NKAIN3: variants seen among roughly 807,000 people sequenced by gnomAD.
NKAIN3 encodes the protein sodium/potassium-transporting ATPase subunit beta-1-interacting protein 3.
NKAIN3 carries 25 observed loss-of-function variants against 30.2 expected under a neutral mutation model. The observed-to-expected ratio is 0.83, with a 90% CI of 0.60 to 1.16. The LOEUF is 1.16. Ranked by LOEUF, NKAIN3 falls within the 50% of genes most tolerant of loss-of-function variation. NKAIN3 has a pLI of 0.00. For missense variants in NKAIN3, 225 were observed against 254.1 expected (o/e 0.89, Z 0.78); for synonymous variants, 91 against 89.6 (o/e 1.02, Z -0.09).
chr8:62,272,946 C>T (rs544546547), intron 1 of NKAIN3, among the ~76,000 whole-genome samples: 17 of 152,158 alleles, frequency 1.1e-4, no homozygotes, highest in Non-Finnish European at 2.5e-4. Context: ...GATTAGCAAG[C>T]TTTCTTGGTT....
chr8:62,572,975 A>G (rs1312660871), intron 1 of NKAIN3, among the ~76,000 whole-genome samples: 1 of 152,164 alleles, frequency 6.6e-6, no homozygotes, highest in Non-Finnish European at 1.5e-5. Flanking sequence ...AAGCAGGGAC[A>G]TTTCTTGCGT....
At chr8:62,878,175 T>TAA (rs1402186655) in intron 4 of NKAIN3, among the ~76,000 whole-genome samples, 1 of 152,168 alleles carries the variant, frequency 6.6e-6, no homozygotes, top group Non-Finnish European at 1.5e-5. Context: ...CTAAGAGGAA[T>TAA]TTTTAGTAAG....
intron 1 of NKAIN3, among the ~76,000 whole-genome samples, chr8:62,266,016 G>C (rs182127246): frequency 1.3e-5 from 2 of 152,178 alleles, no homozygotes; most frequent in Non-Finnish European, 2.9e-5. Context: ...TGCTTTAAAG[G>C]GAATTTGGTC....
chr8:62,954,654 A>G (rs774052322), intron 6 of NKAIN3, among the ~76,000 whole-genome samples: 15 of 152,168 alleles, frequency 9.9e-5, no homozygotes, highest in Non-Finnish European at 2.2e-4. Context: ...AGATAGGGTG[A>G]CTCCATTCCT....
At position 62,248,978 on chromosome 8, in the gene NKAIN3, G is replaced by T. The variant is rs1218346575; in HGVS notation, c.-96G>T. The T allele has an allele frequency of 2.5e-6, 3 of 1,191,492 alleles. No homozygotes were observed. The highest frequency in any genetic ancestry group is 3.5e-6 in the Non-Finnish European group (3 of 851,562). 73.8% of individuals were successfully genotyped at this position (1,191,492 alleles called of 1,614,324 possible). A position where few individuals can be genotyped will look rare whatever the true frequency, so the allele number is the denominator to read the frequency against. ...GCGGCCGCGGGGCCGAGGAGCCTGG[G>T]CCGGGCCGGGCGGGGACTACTCCGG... On this transcript the variant is annotated 5_prime_UTR_variant, in exon 1 of 7. Transcript: ENST00000623646.
intron 1 of NKAIN3, among the ~76,000 whole-genome samples, chr8:62,502,534 C>CTCTTT: frequency 1.0e-5 from 1 of 99,610 alleles, no homozygotes; most frequent in Non-Finnish European, 2.3e-5. Context: ...CTTCTCCTTC[C>CTCTTT]TCCTTTCCTT....
chr8:62,465,919 A>G (rs907122029), intron 1 of NKAIN3, among the ~76,000 whole-genome samples: 1 of 152,130 alleles, frequency 6.6e-6, no homozygotes, highest in African/African-American at 2.4e-5. Flanking sequence ...GCTACTTGGG[A>G]GGCTAAGGCA....
chr8:62,845,218 C>T (rs972889299), intron 4 of NKAIN3, among the ~76,000 whole-genome samples: 12 of 144,638 alleles, frequency 8.3e-5, no homozygotes, highest in South Asian at 2.2e-4. Flanking sequence ...CTTGCTCCTA[C>T]GTTGGCTCTG....
At chr8:62,454,825 C>G (rs901328209) in intron 1 of NKAIN3, among the ~76,000 whole-genome samples, 3 of 152,126 alleles carry the variant, frequency 2.0e-5, no homozygotes, top group Non-Finnish European at 2.9e-5. Context: ...ATGAAAATAT[C>G]AAATTGAGAT....
chr8:62,411,134 G>C (rs1019092328), intron 1 of NKAIN3, among the ~76,000 whole-genome samples: 1 of 152,054 alleles, frequency 6.6e-6, no homozygotes, highest in African/African-American at 2.4e-5. Flanking sequence ...GGTGAACATA[G>C]ATATAAAAAT....
At chr8:62,667,754 C>G (rs1813172771) in intron 3 of NKAIN3, among the ~76,000 whole-genome samples, 1 of 152,112 alleles carries the variant, frequency 6.6e-6, no homozygotes, top group Non-Finnish European at 1.5e-5. Flanking sequence ...GACTTTCCTT[C>G]AAGTTTAGCA....
At chr8:62,775,751 C>A (rs1420731469) in intron 4 of NKAIN3, among the ~76,000 whole-genome samples, 1 of 151,828 alleles carries the variant, frequency 6.6e-6, no homozygotes, top group African/African-American at 2.4e-5. Context: ...TTTCTAGTAT[C>A]CATTGTATAT....
intron 1 of NKAIN3, among the ~76,000 whole-genome samples, chr8:62,310,426 T>G (rs1367636831): frequency 6.6e-6 from 1 of 150,602 alleles, no homozygotes; most frequent in Admixed American, 6.6e-5. Flanking sequence ...TTAATTCTAA[T>G]ATTGTCAAAA....
intron 4 of NKAIN3, among the ~76,000 whole-genome samples, chr8:62,874,352 C>CA: frequency 6.6e-6 from 1 of 151,784 alleles, no homozygotes; most frequent in East Asian, 1.9e-4. Flanking sequence ...GCCTACCAAC[C>CA]AAAAAAACCC....
intron 4 of NKAIN3, among the ~76,000 whole-genome samples, chr8:62,889,695 A>G (rs560809131): frequency 6.6e-6 from 1 of 152,310 alleles, no homozygotes; most frequent in African/African-American, 2.4e-5. Flanking sequence ...GAAATGCAGA[A>G]TAGACACAAC....
At chr8:62,838,156 T>TAC (rs1256080614) in intron 4 of NKAIN3, among the ~76,000 whole-genome samples, 1 of 151,512 alleles carries the variant, frequency 6.6e-6, no homozygotes, top group Non-Finnish European at 1.5e-5. Flanking sequence ...TGTGTGTATA[T>TAC]AAAATGAGCA....
intron 1 of NKAIN3, among the ~76,000 whole-genome samples, chr8:62,338,330 T>A (rs1370383993): frequency 6.6e-6 from 1 of 152,012 alleles, no homozygotes; most frequent in Non-Finnish European, 1.5e-5. Context: ...AATTATAAAA[T>A]AAGAGTCATT....
At chr8:62,401,049 T>A (rs1310502729) in intron 1 of NKAIN3, among the ~76,000 whole-genome samples, 11 of 85,900 alleles carry the variant, frequency 1.3e-4, no homozygotes, top group Non-Finnish European at 3.2e-5. Flanking sequence ...ACATCCTCTT[T>A]AAGGCCAAGA....
At chr8:62,701,293 T>C (rs1371038118) in intron 3 of NKAIN3, among the ~76,000 whole-genome samples, 1 of 152,190 alleles carries the variant, frequency 6.6e-6, no homozygotes, top group African/African-American at 2.4e-5. Flanking sequence ...GTTCCCTCCT[T>C]ACTACACATG....
Sources: allele counts gnomAD v4.1 joint callset (sites outside exome capture counted in the v4.1 genomes callset), GRCh38; gene constraint gnomAD v4.1.1; transcripts MANE v1.5; gene names NCBI Gene and HGNC (gene_info 2026-07-23, HGNC 2026-07-21).